NAV2: variants seen among roughly 807,000 people sequenced by gnomAD.
NAV2 encodes the protein neuron navigator 2.
Under a neutral mutation model 223.2 loss-of-function variants are expected in NAV2, and 54 were observed. The ratio of observed to expected loss-of-function variants is 0.24; its 90% CI spans 0.19 to 0.30. The LOEUF (loss-of-function observed/expected upper bound fraction) is 0.30. Ranked by LOEUF, NAV2 falls within the 10% of genes least tolerant of loss-of-function variation. The pLI is 1.00. For missense variants in NAV2, 2,806 were observed against 3,147.5 expected (o/e 0.89, Z 2.60); for synonymous variants, 1,279 against 1,239.3 (o/e 1.03, Z -0.67).
chr11:19,364,199 G>A (rs2133811788), intron 1 of NAV2, among the ~76,000 whole-genome samples: 1 of 152,298 alleles, frequency 6.6e-6, no homozygotes, highest in South Asian at 2.1e-4. Flanking sequence ...CTTGAAAAAT[G>A]CTTGTTATGA....
chr11:19,798,759 T>C (rs1054695840), intron 1 of NAV2, among the ~76,000 whole-genome samples: 1 of 152,178 alleles, frequency 6.6e-6, no homozygotes, highest in African/African-American at 2.4e-5. Context: ...TCTGATATAT[T>C]ATGTAACTTG....
At chr11:19,659,848 T>C (rs191309608) in intron 1 of NAV2, among the ~76,000 whole-genome samples, 1 of 152,248 alleles carries the variant, frequency 6.6e-6, no homozygotes, top group Admixed American at 6.5e-5. Flanking sequence ...AAAATGGAGA[T>C]CATATTAATT....
chr11:20,037,167 C>G (rs1197142382), intron 12 of NAV2, among the ~76,000 whole-genome samples: 1 of 152,130 alleles, frequency 6.6e-6, no homozygotes, highest in Admixed American at 6.5e-5. Context: ...TCCCCACCCC[C>G]CATCTTTGGC....
chr11:19,406,253 C>T (rs1849890999), intron 1 of NAV2, among the ~76,000 whole-genome samples: 1 of 152,114 alleles, frequency 6.6e-6, no homozygotes, highest in Non-Finnish European at 1.5e-5. Flanking sequence ...CTGTGCATGG[C>T]CACCTACTGG....
chr11:20,107,162 C>T (rs1245644548), intron 35 of NAV2: 1 of 145,318 alleles, frequency 6.9e-6, no homozygotes, highest in East Asian at 2.1e-4. Flanking sequence ...ACTGCAAGCT[C>T]TGCCTCCCAG....
chr11:19,448,510 C>T (rs911351263), intron 1 of NAV2, among the ~76,000 whole-genome samples: 2 of 152,218 alleles, frequency 1.3e-5, no homozygotes, highest in Non-Finnish European at 2.9e-5. Context: ...AGTCTGGCTC[C>T]TCCCAATCCC....
At position 20,054,084 on chromosome 11, in the gene NAV2, A is replaced by T. The variant is rs990127718; in HGVS notation, c.4486A>T (p.Thr1496Ser). Residue 1496 changes from threonine (T) to serine (S), a missense_variant, in exon 18 of 38, where the codon ACT (threonine) becomes TCT (serine). Coordinates refer to ENST00000349880, the MANE Select transcript of NAV2 (RefSeq NM_145117.5). Reference protein sequence around the residue: ...NTLPKKGLRYTPTSQLRTQED... With the variant: ...NTLPKKGLRYSPTSQLRTQED... ...GCTTGATTTCTGTCTGTCCAGGTAT[A>T]CTCCCACCTCCCAGCTTCGCACGCA... 6.2e-7 allele frequency: 1 copy of T among 1,612,542 alleles called. No individual in the cohort carries two copies.
intron 3 of NAV2, among the ~76,000 whole-genome samples, chr11:19,843,640 CAA>C (rs369951059): frequency 6.8e-6 from 1 of 146,950 alleles, no homozygotes; most frequent in Non-Finnish European, 1.5e-5. Context: ...TGAATATTTA[CAA>C]AAAAAAGTAT....
rs530456536 is a variant in NAV2 at position 19,424,629 on chromosome 11, A to C, written c.75+73602A>C. Among the ~76,000 whole-genome samples the C allele has an allele frequency of 5.3e-4, 81 of 152,182 alleles. 1 individual carries two copies. In the Middle Eastern group the frequency reaches 0.017, roughly 32 times the overall value. On this transcript the variant is annotated intron_variant, in intron 1 of 37. Transcript: ENST00000360655. ...AGTGGCGCAATCTCAGCTCACTGCA[A>C]CCTCCACCTCCTGGGTTCAAGTGAT...
At chr11:20,087,458 TC>T (rs1193425603) in intron 26 of NAV2, among the ~76,000 whole-genome samples, 1 of 152,134 alleles carries the variant, frequency 6.6e-6, no homozygotes, top group Non-Finnish European at 1.5e-5. Flanking sequence ...GAGAGGGAGT[TC>T]AAAGACAAAA....
intron 11 of NAV2, among the ~76,000 whole-genome samples, chr11:20,020,006 AAAG>A (rs949961873): frequency 6.6e-6 from 1 of 152,106 alleles, no homozygotes; most frequent in Non-Finnish European, 1.5e-5. Flanking sequence ...AAAAAAAAAA[AAAG>A]TTTTTGTTTG....
chr11:19,362,122 C>T (rs143346799), intron 1 of NAV2, among the ~76,000 whole-genome samples: 1 of 152,280 alleles, frequency 6.6e-6, no homozygotes, highest in East Asian at 1.9e-4. Flanking sequence ...TTTAACTTCA[C>T]TTGAACAGCA....
At chr11:19,906,587 C>T (rs750559819) in intron 6 of NAV2, among the ~76,000 whole-genome samples, 4 of 152,168 alleles carry the variant, frequency 2.6e-5, no homozygotes, top group Admixed American at 1.3e-4. Flanking sequence ...TTAAGATGTA[C>T]TAAGACATAC....
chr11:19,888,066 G>A (rs761034704), intron 5 of NAV2, among the ~76,000 whole-genome samples: 20 of 152,122 alleles, frequency 1.3e-4, no homozygotes, highest in Non-Finnish European at 2.6e-4. Flanking sequence ...CTCTGCACAC[G>A]TTGGAGAAAT....
chr11:19,425,778 TAA>T (rs1420382684), intron 1 of NAV2, among the ~76,000 whole-genome samples: 1 of 152,226 alleles, frequency 6.6e-6, no homozygotes, highest in Admixed American at 6.5e-5. Flanking sequence ...AGGTAGAATA[TAA>T]GACTCATATT....
intron 6 of NAV2, among the ~76,000 whole-genome samples, chr11:19,915,762 A>G (rs947889711): frequency 1.3e-5 from 2 of 152,166 alleles, no homozygotes; most frequent in Non-Finnish European, 2.9e-5. Context: ...TTGGTCCTTC[A>G]TGAGCAGGTT....
chr11:20,054,325 T>C (rs2058224921), intron 18 of NAV2, 85 bp downstream of exon 18: 1 of 1,352,318 alleles, frequency 7.4e-7, no homozygotes, highest in African/African-American at 1.5e-5. Flanking sequence ...TTTATTTCAA[T>C]AGTTTTTGGG....
Position 19,892,595 on chromosome 11 carries a change from G to A in NAV2, c.931+1G>A. On this transcript the variant is annotated splice_donor_variant, in intron 6 of 37. Transcript: ENST00000349880. LOFTEE classifies it high-confidence loss of function. Reference sequence around the variant, plus strand: ...CCACCGCCAAGCAGCCACGAGAAAGGTGAGTCACCTTCTTGAGGAGCCTTT... The same window carrying A: ...CCACCGCCAAGCAGCCACGAGAAAGATGAGTCACCTTCTTGAGGAGCCTTT... The A allele has an allele frequency of 6.2e-7, 1 of 1,613,218 alleles. No homozygotes were observed. The highest frequency in any genetic ancestry group is 8.5e-7 in the Non-Finnish European group (1 of 1,179,540).
At chr11:19,929,556 A>G (rs2045124063) in intron 6 of NAV2, among the ~76,000 whole-genome samples, 1 of 152,176 alleles carries the variant, frequency 6.6e-6, no homozygotes, top group Non-Finnish European at 1.5e-5. Context: ...TTATAGTCGT[A>G]ATGAGTAGCC....
Sources: allele counts gnomAD v4.1 joint callset (sites outside exome capture counted in the v4.1 genomes callset), GRCh38; gene constraint gnomAD v4.1.1; transcripts MANE v1.5; gene names NCBI Gene and HGNC (gene_info 2026-07-23, HGNC 2026-07-21).